The following GLUL variants were observed in gnomAD, a reference collection of about 807,000 sequenced individuals.
GLUL encodes the protein glutamine synthetase.
In GLUL, 8 loss-of-function variants were observed where a neutral mutation model predicts 36.9. The ratio of observed to expected loss-of-function variants is 0.22; its 90% CI spans 0.13 to 0.39. The LOEUF is 0.39. GLUL is among the 10% of genes least tolerant of loss of function. GLUL has a pLI of 1.00. For missense variants in GLUL, 315 were observed against 501.8 expected (o/e 0.63, Z 3.56); for synonymous variants, 182 against 172.8 (o/e 1.05, Z -0.42).
At chr1:182,387,682 C>A (rs1325526036) in intron 2 of GLUL, among the ~76,000 whole-genome samples, 1 of 152,170 alleles carries the variant, frequency 6.6e-6, no homozygotes, top group Admixed American at 6.5e-5. Context: ...CCAGTGTATT[C>A]TGGCAAGTTA....
At chr1:182,386,595 G>A (rs1214876940) in intron 3 of GLUL, 193 bp from the exon 4 acceptor site, 2 of 644,994 alleles carry the variant, frequency 3.1e-6, no homozygotes, top group African/African-American at 1.8e-5. Flanking sequence ...TACATCTGTA[G>A]GAAGACTCTG....
rs1387935009 is a variant in GLUL at position 182,383,323 on chromosome 1, G to A, written c.*1082C>T. On this transcript the variant is annotated 3_prime_UTR_variant, in exon 7 of 7. Transcript: ENST00000331872. ...TTTTTAAAAAATTTAATATCAAAAG[G>A]CCTGCTTTAGTGACATGCTATTCCT... The A allele has an allele frequency of 6.6e-6, 1 of 151,948 alleles. No homozygotes were observed. Among genetic ancestry groups the A allele is most frequent in the Non-Finnish European group, 1.5e-5 (1 of 67,986 alleles). The allele number at this position is 151,948 out of a possible 1,614,324, so 9.4% of individuals were successfully genotyped here.
rs1174544103 is a variant in GLUL at position 182,391,457 on chromosome 1, C to T, written c.-14+222G>A. On this transcript the variant is annotated intron_variant, in intron 1 of 6. Coordinates refer to ENST00000331872, the MANE Select transcript of GLUL (RefSeq NM_001033044.4). ...GCCCTTCCCAGAGCCTGGCCAAGGG[C>T]GCGCCCCACCAGCGCCAGCCCCGAC... is the stretch of plus-strand genomic sequence containing the variant. 3 of 376,966 alleles carry T rather than the reference C, an allele frequency of 8.0e-6. No individual in the cohort carries two copies. In the Admixed American group the frequency reaches 1.4e-4, roughly 17 times the overall value. 23.4% of individuals were successfully genotyped at this position (376,966 alleles called of 1,614,324 possible).
chr1:182,385,713 G>T (rs747019149), intron 5 of GLUL, 47 bp downstream of exon 5: 1 of 1,610,608 alleles, frequency 6.2e-7, no homozygotes, highest in Non-Finnish European at 8.5e-7. Context: ...AAAGTCCTAT[G>T]TACACCTACC....
rs1650274815 is a variant in GLUL at position 182,388,565 on chromosome 1, G to C, written c.166+7C>G. ...AGCATGTGCTCCACTCCACATTGCT[G>C]TCTCACCTTCCACACACTTGGGCTC... On this transcript the variant is annotated splice_region_variant and intron_variant, in intron 2 of 6. Transcript: ENST00000331872. The C allele has an allele frequency of 6.2e-7, 1 of 1,613,298 alleles. No individual in the cohort carries two copies. The highest frequency in any genetic ancestry group is 8.5e-7 in the Non-Finnish European group (1 of 1,179,284).
chr1:182,386,572 A>C (rs1165471834), intron 3 of GLUL, 170 bp from the exon 4 acceptor site: 2 of 696,770 alleles, frequency 2.9e-6, no homozygotes, highest in Admixed American at 2.1e-5. Context: ...AAAATGAGAG[A>C]AGCTGTTAAT....
In GLUL at chr1:182,384,391, G is replaced by T; in HGVS notation, c.*14C>A. 6.3e-7 allele frequency: 1 copy of T among 1,575,686 alleles called. No homozygotes were observed. The highest frequency in any genetic ancestry group is 8.7e-7 in the Non-Finnish European group (1 of 1,145,726). ...AGAACTAGGAGGGGCTCAACAGCTG[G>T]AGGTCTAGTCCACTTAATTTTTGTA... On this transcript the variant is annotated 3_prime_UTR_variant, in exon 7 of 7. Coordinates refer to ENST00000331872, the MANE Select transcript of GLUL (RefSeq NM_001033044.4).
In GLUL at chr1:182,384,590, A is replaced by G; in HGVS notation, c.937T>C (p.Ser313Pro). Residue 313 changes from serine (S) to proline (P), a missense_variant, in exon 7 of 7, where the codon TCT becomes CCT. Physicochemically the swap from Ser to Pro is moderately conservative, Grantham distance 74. Coordinates refer to ENST00000331872, the MANE Select transcript of GLUL (RefSeq NM_001033044.4). ...FHETSNINDFSAGVANRSASI... is the reference protein window; with the variant it reads ...FHETSNINDFPAGVANRSASI... ...GCGCTACGATTGGCTACACCAGCAG[A>G]AAAGTCGTTGATGTTGGAGGTTTCA... is the stretch of plus-strand genomic sequence containing the variant. 1 of 1,614,196 alleles carries G rather than the reference A, an allele frequency of 6.2e-7. No individual in the cohort carries two copies. The highest frequency in any genetic ancestry group is 8.5e-7 in the Non-Finnish European group (1 of 1,180,024).
In GLUL at chr1:182,380,490, C is replaced by T. The variant is rs988332528; in HGVS notation, c.*3915G>A. 6.6e-6 allele frequency among the ~76,000 whole-genome samples: 1 copy of T among 152,050 alleles called. No homozygotes were observed. Among genetic ancestry groups the T allele is most frequent in the Non-Finnish European group, 1.5e-5 (1 of 68,022 alleles). On this transcript the variant is annotated 3_prime_UTR_variant, in exon 7 of 7. Coordinates refer to ENST00000331872, the MANE Select transcript of GLUL (RefSeq NM_001033044.4). Reference sequence around the variant, plus strand: ...AAAAATTATTTTGTGGAGTCTGGACCTCACTACATTGCCTAGAACGGTCTC... The same window carrying T: ...AAAAATTATTTTGTGGAGTCTGGACTTCACTACATTGCCTAGAACGGTCTC...
At position 182,378,727 on chromosome 1, in the gene GLUL, A is replaced by G. The variant is rs1404247129; in HGVS notation, c.*5678T>C. ...GCATATTCTCACAAATATGGTATAC[A>G]TTTATATTATGCATGTGTATGGACA... On this transcript the variant is annotated 3_prime_UTR_variant, in exon 7 of 7. Coordinates refer to ENST00000331872, the MANE Select transcript of GLUL (RefSeq NM_001033044.4). Among the ~76,000 whole-genome samples, 1 of 152,224 alleles carries G rather than the reference A, an allele frequency of 6.6e-6. No individual in the cohort carries two copies. Among genetic ancestry groups the G allele is most frequent in the Non-Finnish European group, 1.5e-5 (1 of 68,040 alleles).
chr1:182,382,071 A>G lies in GLUL; in HGVS notation c.*2334T>C, dbSNP rs1041513968. The G allele has an allele frequency of 2.6e-5, 4 of 152,216 alleles. No homozygotes were observed. Among genetic ancestry groups the G allele is most frequent in the African/African-American group, 9.6e-5 (4 of 41,452 alleles). The allele number at this position is 152,216 out of a possible 1,614,324, so 9.4% of individuals were successfully genotyped here. A position where few individuals can be genotyped will look rare whatever the true frequency, so the allele number is the denominator to read the frequency against. ...CCTGAAGAACTTATCTCTAAAAACTATCACAGGCCCCAGCTACCTCGCACT... is the reference window on the plus strand; with the variant it reads ...CCTGAAGAACTTATCTCTAAAAACTGTCACAGGCCCCAGCTACCTCGCACT... On this transcript the variant is annotated 3_prime_UTR_variant, in exon 7 of 7. Coordinates refer to ENST00000331872, the MANE Select transcript of GLUL (RefSeq NM_001033044.4).
Position 182,384,315 on chromosome 1 carries a change from T to G in GLUL, c.*90A>C. On this transcript the variant is annotated 3_prime_UTR_variant, in exon 7 of 7. Coordinates refer to ENST00000331872, the MANE Select transcript of GLUL (RefSeq NM_001033044.4). Reference sequence around the variant, plus strand: ...AAAACGACCTTGATATTCCACCCTTTGAGTTACAATCGGGACAACTGGGAG... The same window carrying G: ...AAAACGACCTTGATATTCCACCCTTGGAGTTACAATCGGGACAACTGGGAG... The G allele has an allele frequency of 5.6e-6, 5 of 897,928 alleles. No individual in the cohort carries two copies. The highest frequency in any genetic ancestry group is 1.4e-5 in the South Asian group (1 of 71,528). The allele number at this position is 897,928 out of a possible 1,614,324, so 55.6% of individuals were successfully genotyped here.
Position 182,387,279 on chromosome 1 carries a change from C to G in GLUL, c.180G>C (p.Trp60Cys). 6.2e-7 allele frequency: 1 copy of G among 1,612,964 alleles called. No homozygotes were observed. Among genetic ancestry groups the G allele is most frequent in the Non-Finnish European group, 8.5e-7 (1 of 1,178,976 alleles). The change falls in exon 3 of 7, where the codon TGG (tryptophan) becomes TGC (cysteine). Residue 60 changes from tryptophan (W) to cysteine (C), a missense_variant. Trp to Cys is a radical substitution (Grantham distance 215). Coordinates refer to ENST00000331872, the MANE Select transcript of GLUL (RefSeq NM_001033044.4). ...GTAAAGTACTAGAGCCATCGAAATT[C>G]CACTCAGGCAACTCTGGGGCAAAAA... The part of the protein sequence containing the change: ...EPKCVEELPE[W>C]NFDGSSTLQS...
At chr1:182,390,832 G>C (rs975386154) in intron 1 of GLUL, 4 of 399,112 alleles carry the variant, frequency 1.0e-5, no homozygotes, top group African/African-American at 6.2e-5. Flanking sequence ...TCGTGGACTT[G>C]CGGCTGGGGG....
rs191913138 is a variant in GLUL, at chr1:182,388,782, C to T, written c.-13-32G>A. ...AAGAAAAAAAGAATAACATTGTTAA[C>T]GCCCACTCCAAACTGATCCCCTGCA... On this transcript the variant is annotated intron_variant, in intron 1 of 6. Coordinates refer to ENST00000331872, the MANE Select transcript of GLUL (RefSeq NM_001033044.4). 1.2e-4 allele frequency: 179 copies of T among 1,551,188 alleles called. 2 individuals are homozygous for T. Among genetic ancestry groups the T allele is most frequent in the Non-Finnish European group, 1.0e-4 (115 of 1,123,164 alleles).
chr1:182,385,308 A>G, intron 6 of GLUL, 49 bp downstream of exon 6: 1 of 1,400,872 alleles, frequency 7.1e-7, no homozygotes, highest in Non-Finnish European at 1.0e-6. Flanking sequence ...TCTCCTCCCA[A>G]GTTTTCTGCC....
chr1:182,380,267 A>C lies in GLUL; in HGVS notation c.*4138T>G, dbSNP rs564365540. ...TTTTTAGTGCTGCCATAATGTTTGTAGTAAAAAGAATCAACATTTTCAATT... is the reference window on the plus strand; with the variant it reads ...TTTTTAGTGCTGCCATAATGTTTGTCGTAAAAAGAATCAACATTTTCAATT... On this transcript the variant is annotated 3_prime_UTR_variant, in exon 7 of 7. Transcript: ENST00000331872. Among the ~76,000 whole-genome samples the C allele has an allele frequency of 2.8e-4, 43 of 152,352 alleles. No homozygotes were observed. The highest frequency in any genetic ancestry group is 9.9e-4 in the African/African-American group (41 of 41,590).
rs1649963872 is a variant in GLUL at position 182,382,308 on chromosome 1, A to AGATACACG, written c.*2089_*2096dup. The AGATACACG allele has an allele frequency of 6.6e-6, 1 of 152,282 alleles. No homozygotes were observed. Among genetic ancestry groups the AGATACACG allele is most frequent in the Non-Finnish European group, 1.5e-5 (1 of 68,084 alleles). 9.4% of individuals were successfully genotyped at this position (152,282 alleles called of 1,614,324 possible). A position where few individuals can be genotyped will look rare whatever the true frequency, so the allele number is the denominator to read the frequency against. ...GCCAAGATAAGGTGGAAGAACTCCC[A>AGATACACG]GATACACGGACCAAGATAAGAGCAA... On this transcript the variant is annotated 3_prime_UTR_variant, in exon 7 of 7. Transcript: ENST00000331872.
Position 182,382,704 on chromosome 1 carries a change from T to C in GLUL, c.*1701A>G, listed in dbSNP as rs1333748636. The C allele has an allele frequency of 6.6e-6, 1 of 152,010 alleles. No homozygotes were observed. Among genetic ancestry groups the C allele is most frequent in the Non-Finnish European group, 1.5e-5 (1 of 67,984 alleles). 9.4% of individuals were successfully genotyped at this position (152,010 alleles called of 1,614,324 possible). ...AAGATTGTGTGTAACTAAGTCTAGGTGAAAAACTTAATCCCTTAAGTCCCA... is the reference window on the plus strand; with the variant it reads ...AAGATTGTGTGTAACTAAGTCTAGGCGAAAAACTTAATCCCTTAAGTCCCA... On this transcript the variant is annotated 3_prime_UTR_variant, in exon 7 of 7. Coordinates refer to ENST00000331872, the MANE Select transcript of GLUL (RefSeq NM_001033044.4).
Sources: allele counts gnomAD v4.1 joint callset (sites outside exome capture counted in the v4.1 genomes callset), GRCh38; gene constraint gnomAD v4.1.1; transcripts MANE v1.5; gene names NCBI Gene and HGNC (gene_info 2026-07-23, HGNC 2026-07-21).